The following VPS13C variants were observed in gnomAD, a reference collection of about 807,000 sequenced individuals.
The protein encoded by VPS13C is vacuolar protein sorting 13 homolog C.
Under a neutral mutation model 456.8 loss-of-function variants are expected in VPS13C, and 358 were observed. That is an observed-to-expected ratio of 0.78 (90% CI 0.72 to 0.86). The LOEUF is 0.86. Ranked by LOEUF, VPS13C falls within the 40% of genes least tolerant of loss-of-function variation. The pLI is 0.00. For synonymous variants in VPS13C, 1,578 were observed against 1,486.7 expected, an observed-to-expected ratio of 1.06 and a Z score of -1.41; for missense variants, 4,818 against 4,385.4, an observed-to-expected ratio of 1.10 and a Z score of -2.79.
Position 61,954,422 on chromosome 15 carries a change from T to G in VPS13C, c.4298A>C (p.Glu1433Ala). The change falls in exon 38 of 85, where the codon GAG becomes GCG. Residue 1433 changes from glutamate (E) to alanine (A), a missense_variant and splice_region_variant. By Grantham distance (107) the Glu-to-Ala change is moderately radical. Transcript: ENST00000644861. ...INMLLNFEIK[E>A]VVVTLMKKSE... ...CAAAAACAGATGAAAATTACACACC[T>G]CTTTAATTTCAAAATTCAGCAGCAT... The G allele has an allele frequency of 6.2e-7, 1 of 1,604,142 alleles. No individual in the cohort carries two copies. Among genetic ancestry groups the G allele is most frequent in the Non-Finnish European group, 8.5e-7 (1 of 1,177,000 alleles).
intron 42 of VPS13C, among the ~76,000 whole-genome samples, chr15:61,948,350 G>A (rs943308227): frequency 2.0e-5 from 3 of 152,070 alleles, no homozygotes; most frequent in African/African-American, 7.2e-5. Flanking sequence ...TTTTACTCTA[G>A]TTTATAAGGA....
chr15:61,999,605 T>A (rs115109406), intron 16 of VPS13C, among the ~76,000 whole-genome samples: 1,530 of 152,192 alleles, frequency 0.01, 30 homozygotes, highest in African/African-American at 0.035. Flanking sequence ...CTGAGATGAG[T>A]GTTTTTGTTT....
intron 66 of VPS13C, among the ~76,000 whole-genome samples, chr15:61,905,162 C>T (rs62009102): frequency 6.6e-6 from 1 of 152,112 alleles, no homozygotes; most frequent in Non-Finnish European, 1.5e-5. Flanking sequence ...AGAAATGTTT[C>T]AGGTGATACG....
At chr15:61,924,216 T>C (rs1050581867) in intron 53 of VPS13C, among the ~76,000 whole-genome samples, 2 of 152,166 alleles carry the variant, frequency 1.3e-5, no homozygotes, top group African/African-American at 4.8e-5. Context: ...TTTGTGCATA[T>C]TATCAGTTCT....
intron 68 of VPS13C, among the ~76,000 whole-genome samples, chr15:61,883,445 G>A (rs544546657): frequency 5.0e-4 from 76 of 152,202 alleles, no homozygotes; most frequent in Non-Finnish European, 1.1e-3. Flanking sequence ...CAAAATTGGT[G>A]GGGGTGCTGG....
At chr15:61,901,812 CAT>C (rs1331992261) in intron 66 of VPS13C, among the ~76,000 whole-genome samples, 3 of 152,086 alleles carry the variant, frequency 2.0e-5, no homozygotes, top group Non-Finnish European at 2.9e-5. Flanking sequence ...CACATGCACA[CAT>C]ATGTTTATTG....
intron 34 of VPS13C, 134 bp from the exon 35 acceptor site, chr15:61,962,027 G>A (rs1314376517): frequency 4.0e-6 from 4 of 1,001,588 alleles, no homozygotes; most frequent in South Asian, 3.6e-5. Context: ...TATTTTTCTA[G>A]CAGTATTAAG....
intron 3 of VPS13C, among the ~76,000 whole-genome samples, chr15:62,037,854 G>A (rs2048117002): frequency 6.6e-6 from 1 of 151,998 alleles, no homozygotes; most frequent in Non-Finnish European, 1.5e-5. Context: ...GCCTAAAGAT[G>A]CTTTCAATCT....
rs1009419994 is a variant in VPS13C, at chr15:61,882,471, GA to G, written c.9624+124del. 2.6e-5 allele frequency: 26 copies of G among 1,009,562 alleles called. No homozygotes were observed. The African/African-American group carries it at 3.7e-4, about 14-fold the overall frequency. 62.5% of individuals were successfully genotyped at this position (1,009,562 alleles called of 1,614,324 possible). A position where few individuals can be genotyped will look rare whatever the true frequency, so the allele number is the denominator to read the frequency against. On this transcript the variant is annotated intron_variant, in intron 69 of 84. Transcript: ENST00000644861. ...ATAAACAGGATATGTGGAAAAAGGG[GA>G]AAAAACATACAAACAAAGAAAAGAT...
At chr15:61,984,138 C>G in intron 19 of VPS13C, 126 bp from the exon 20 acceptor site, 1 of 813,674 alleles carries the variant, frequency 1.2e-6, no homozygotes, top group Non-Finnish European at 1.9e-6. Context: ...TTATCCAGAG[C>G]TGAAGCTCAA....
intron 69 of VPS13C, among the ~76,000 whole-genome samples, chr15:61,882,098 T>G (rs1895900628): frequency 6.6e-6 from 1 of 152,128 alleles, no homozygotes; most frequent in Non-Finnish European, 1.5e-5. Flanking sequence ...TATCTATGGA[T>G]CCTGTGAGAT....
chr15:62,049,700 C>T (rs1294395051), intron 1 of VPS13C, among the ~76,000 whole-genome samples: 1 of 152,074 alleles, frequency 6.6e-6, no homozygotes, highest in East Asian at 1.9e-4. Flanking sequence ...GGCAGTATGG[C>T]CATTTTCACA....
intron 20 of VPS13C, 72 bp downstream of exon 20, chr15:61,983,748 G>A: frequency 6.9e-7 from 1 of 1,445,688 alleles, no homozygotes; most frequent in Non-Finnish European, 9.4e-7. Flanking sequence ...TATGAAAGAG[G>A]AGAAATAAGA....
chr15:61,875,669 T>C, intron 76 of VPS13C, 63 bp downstream of exon 76: 1 of 1,127,368 alleles, frequency 8.9e-7, no homozygotes, highest in Non-Finnish European at 1.3e-6. Flanking sequence ...TTACTATTTG[T>C]TATTAAAAAA....
chr15:61,966,023 A>C, intron 30 of VPS13C, 60 bp downstream of exon 30: 3 of 1,306,776 alleles, frequency 2.3e-6, no homozygotes, highest in Non-Finnish European at 3.2e-6. Context: ...AAAGGATACT[A>C]GAGGCTTTGA....
At position 61,981,327 on chromosome 15, in the gene VPS13C, C is replaced by A. The variant is rs373375923; in HGVS notation, c.2166+15G>T. ...GGTCAAAGATGGGCAGACAAAAAAA[C>A]GCATATATACCTACCTGAAATGTAC... is the stretch of plus-strand genomic sequence containing the variant. On this transcript the variant is annotated intron_variant, in intron 22 of 84. Coordinates refer to ENST00000644861, the MANE Select transcript of VPS13C (RefSeq NM_020821.3). 3.8e-6 allele frequency: 6 copies of A among 1,569,396 alleles called. No individual in the cohort carries two copies. The highest frequency in any genetic ancestry group is 2.0e-5 in the Admixed American group (1 of 51,172).
intron 66 of VPS13C, among the ~76,000 whole-genome samples, chr15:61,895,268 T>G (rs1004148867): frequency 4.6e-5 from 7 of 151,638 alleles, no homozygotes; most frequent in Admixed American, 2.6e-4. Flanking sequence ...GTAGAAAGAT[T>G]TCAAATAAAC....
At chr15:62,045,006 A>T (rs1184423618) in intron 1 of VPS13C, among the ~76,000 whole-genome samples, 1 of 152,122 alleles carries the variant, frequency 6.6e-6, no homozygotes, top group Admixed American at 6.5e-5. Context: ...TATATTTTTT[A>T]AAAACTATAG....
rs2044918532 is a variant in VPS13C, at chr15:61,954,516, C to T, written c.4204G>A (p.Asp1402Asn). ...KEPLEISISQ[D>N]VHDSKNTLTT... Reference sequence around the variant, plus strand: ...AAAGTATTTTTTGAATCATGTACATCTTGTGATATAGAGATTTCAAGGGGC... The same window carrying T: ...AAAGTATTTTTTGAATCATGTACATTTTGTGATATAGAGATTTCAAGGGGC... The change falls in exon 38 of 85, where the codon GAT becomes AAT. Residue 1402 changes from aspartate (D) to asparagine (N), a missense_variant. Asp to Asn is a conservative substitution (Grantham distance 23, BLOSUM62 1). This residue lies in a region of VPS13C where 4,552 missense variants were observed against 4,130.6 expected (regional missense o/e 1.10). Coordinates refer to ENST00000644861, the MANE Select transcript of VPS13C (RefSeq NM_020821.3). The T allele has an allele frequency of 6.2e-7, 1 of 1,605,494 alleles. No homozygotes were observed. The highest frequency in any genetic ancestry group is 1.1e-5 in the South Asian group (1 of 88,472).
Sources: allele counts gnomAD v4.1 joint callset (sites outside exome capture counted in the v4.1 genomes callset), GRCh38; gene constraint gnomAD v4.1.1; regional missense constraint gnomAD v4.1.1; transcripts MANE v1.5; gene names NCBI Gene and HGNC (gene_info 2026-07-23, HGNC 2026-07-21).